The following PLCB1 variants were observed in gnomAD, a reference collection of about 807,000 sequenced individuals.
PLCB1 encodes phospholipase C beta 1, also known as 1-phosphatidylinositol 4,5-bisphosphate phosphodiesterase beta-1.
A neutral mutation model predicts 161.8 loss-of-function variants in PLCB1; 46 were observed. That is an observed-to-expected ratio of 0.28 (90% CI 0.22 to 0.36). The LOEUF (loss-of-function observed/expected upper bound fraction) is 0.36. PLCB1 is among the 10% of genes least tolerant of loss of function. PLCB1 has a pLI of 1.00. For missense variants in PLCB1, 1,016 were observed against 1,472.5 expected (o/e 0.69, Z 5.07); for synonymous variants, 517 against 503.7 (o/e 1.03, Z -0.35).
chr20:8,341,125 AG>A (rs1985793866), intron 2 of PLCB1, among the ~76,000 whole-genome samples: 1 of 151,932 alleles, frequency 6.6e-6, no homozygotes, highest in African/African-American at 2.4e-5. Context: ...CACATCACAA[AG>A]CTTCTCTTCC....
At chr20:8,533,632 T>G (rs1299129604) in intron 3 of PLCB1, among the ~76,000 whole-genome samples, 1 of 151,082 alleles carries the variant, frequency 6.6e-6, no homozygotes, top group East Asian at 2.0e-4. Flanking sequence ...GAGCATTTTT[T>G]CATGTGTTTT....
intron 2 of PLCB1, among the ~76,000 whole-genome samples, chr20:8,251,154 C>A (rs1399827658): frequency 6.6e-6 from 1 of 151,904 alleles, no homozygotes. Context: ...CAAACAGGCT[C>A]CCTCAAGTCT....
chr20:8,516,686 T>C lies in PLCB1; in HGVS notation c.247-111608T>C, dbSNP rs1354736799. ...CATCATATATATATATATATATATA[T>C]ATATATATATATATATATATATATG... On this transcript the variant is annotated intron_variant, in intron 3 of 31. Transcript: ENST00000338037. Among the ~76,000 whole-genome samples the C allele has an allele frequency of 1.3e-4, 16 of 126,352 alleles. 1 individual carries two copies. Among genetic ancestry groups the C allele is most frequent in the Admixed American group, 2.3e-4 (3 of 12,838 alleles). 82.9% of individuals were successfully genotyped at this position (126,352 alleles called of 152,430 possible). A position where few individuals can be genotyped will look rare whatever the true frequency, so the allele number is the denominator to read the frequency against.
intron 3 of PLCB1, among the ~76,000 whole-genome samples, chr20:8,422,622 A>G (rs1366826040): frequency 6.6e-6 from 1 of 152,194 alleles, no homozygotes; most frequent in African/African-American, 2.4e-5. Flanking sequence ...AGTGCAGCTG[A>G]TATTAGATAC....
chr20:8,698,708 G>A (rs923274775), intron 11 of PLCB1, among the ~76,000 whole-genome samples: 2 of 152,114 alleles, frequency 1.3e-5, no homozygotes, highest in African/African-American at 4.8e-5. Flanking sequence ...GGTGATTTGG[G>A]GGACGGTTCA....
intron 2 of PLCB1, among the ~76,000 whole-genome samples, chr20:8,222,294 C>G (rs1032651657): frequency 2.6e-5 from 4 of 152,106 alleles, no homozygotes; most frequent in Non-Finnish European, 5.9e-5. Context: ...GAGAAAAGTT[C>G]TCTTTATTTT....
intron 3 of PLCB1, among the ~76,000 whole-genome samples, chr20:8,565,395 G>A (rs543844389): frequency 1.5e-3 from 231 of 152,126 alleles, no homozygotes; most frequent in African/African-American, 5.4e-3. Context: ...TAGATGACAT[G>A]TTGATGGGTG....
chr20:8,369,482 T>A (rs1207457852), intron 2 of PLCB1, among the ~76,000 whole-genome samples: 1 of 152,226 alleles, frequency 6.6e-6, no homozygotes, highest in Non-Finnish European at 1.5e-5. Context: ...TGTCTGGTTT[T>A]TCCACCGTTT....
intron 1 of PLCB1, chr20:8,142,095 TATC>T (rs1459822472): frequency 6.6e-6 from 1 of 152,218 alleles, no homozygotes; most frequent in Non-Finnish European, 1.5e-5. Flanking sequence ...GCTTTATAAT[TATC>T]ATTATTATTT....
At chr20:8,865,051 A>G (rs1019152192) in intron 31 of PLCB1, among the ~76,000 whole-genome samples, 26 of 152,234 alleles carry the variant, frequency 1.7e-4, no homozygotes, top group African/African-American at 6.3e-4. Flanking sequence ...TACTGAATTG[A>G]AGTCACCGGT....
chr20:8,495,684 A>G (rs545491328), intron 3 of PLCB1, among the ~76,000 whole-genome samples: 1 of 151,908 alleles, frequency 6.6e-6, no homozygotes, highest in South Asian at 2.1e-4. Context: ...GGCGTGAGCC[A>G]CCGCGCCTGG....
intron 23 of PLCB1, among the ~76,000 whole-genome samples, chr20:8,749,913 G>A (rs1426541927): frequency 1.3e-5 from 2 of 151,600 alleles, no homozygotes; most frequent in Non-Finnish European, 2.9e-5. Flanking sequence ...TATTTATTAT[G>A]TACTAACAGG....
At chr20:8,293,064 T>TC (rs1213542782) in intron 2 of PLCB1, among the ~76,000 whole-genome samples, 1 of 152,106 alleles carries the variant, frequency 6.6e-6, no homozygotes, top group Non-Finnish European at 1.5e-5. Flanking sequence ...TGATTTGATG[T>TC]CATATGTGGT....
At chr20:8,179,119 C>T (rs2051812664) in intron 2 of PLCB1, among the ~76,000 whole-genome samples, 1 of 152,094 alleles carries the variant, frequency 6.6e-6, no homozygotes, top group African/African-American at 2.4e-5. Context: ...TATTCAGGCT[C>T]TTTTTTGATT....
At chr20:8,872,891 C>G (rs950408526) in intron 31 of PLCB1, among the ~76,000 whole-genome samples, 2 of 152,148 alleles carry the variant, frequency 1.3e-5, no homozygotes, top group African/African-American at 4.8e-5. Flanking sequence ...TCTCTCCTCG[C>G]CCCGCAAAAT....
chr20:8,500,155 G>A (rs1983344387), intron 3 of PLCB1, among the ~76,000 whole-genome samples: 1 of 152,118 alleles, frequency 6.6e-6, no homozygotes, highest in Admixed American at 6.5e-5. Context: ...TTAGGTAAAG[G>A]TCATTTTGAT....
chr20:8,223,054 G>C (rs1979497447), intron 2 of PLCB1, among the ~76,000 whole-genome samples: 1 of 152,140 alleles, frequency 6.6e-6, no homozygotes, highest in African/African-American at 2.4e-5. Flanking sequence ...ATAGGTAAAT[G>C]TTCCAACTTT....
intron 27 of PLCB1, among the ~76,000 whole-genome samples, chr20:8,787,850 G>T (rs1334497248): frequency 6.6e-6 from 1 of 152,162 alleles, no homozygotes; most frequent in East Asian, 1.9e-4. Context: ...GAGAATTTCT[G>T]ATGTTCTTTA....
intron 2 of PLCB1, among the ~76,000 whole-genome samples, chr20:8,170,000 T>C (rs947316094): frequency 2.2e-4 from 34 of 152,170 alleles, no homozygotes; most frequent in African/African-American, 7.2e-4. Flanking sequence ...AGAATGGCAT[T>C]AGGGTCTCAG....
Sources: gnomAD v4.1 joint callset for allele counts (sites outside exome capture counted in the v4.1 genomes callset) on GRCh38, gnomAD v4.1.1 for gene constraint, MANE v1.5 for transcripts, NCBI Gene and HGNC (gene_info 2026-07-23, HGNC 2026-07-21) for gene names.